CNTNAP4: variants seen among roughly 807,000 people sequenced by gnomAD.
CNTNAP4 encodes contactin associated protein family member 4.
Under a neutral mutation model 148.4 loss-of-function variants are expected in CNTNAP4, and 98 were observed. That is an observed-to-expected ratio of 0.66 (90% CI 0.56 to 0.78). The LOEUF is 0.78. CNTNAP4 is among the 30% of genes least tolerant of loss of function. The pLI is 0.00. For missense variants in CNTNAP4, 1,935 were observed against 1,565.6 expected, an observed-to-expected ratio of 1.24 and a Z score of -3.98; for synonymous variants, 730 against 565.1, an observed-to-expected ratio of 1.29 and a Z score of -4.14.
At chr16:76,436,989 C>CTATTTATCTATT (rs1555555022) in intron 4 of CNTNAP4, among the ~76,000 whole-genome samples, 1 of 151,412 alleles carries the variant, frequency 6.6e-6, no homozygotes, top group East Asian at 2.0e-4. Flanking sequence ...ATCTATCTGT[C>CTATTTATCTATT]TATCTAGGAG....
chr16:76,496,215 G>C (rs1357377996), intron 14 of CNTNAP4, among the ~76,000 whole-genome samples: 1 of 151,400 alleles, frequency 6.6e-6, no homozygotes, highest in African/African-American at 2.4e-5. Flanking sequence ...ACTCCCTTTG[G>C]AAGGCACCCT....
intron 3 of CNTNAP4, among the ~76,000 whole-genome samples, chr16:76,394,264 T>C (rs1216687717): frequency 1.3e-5 from 2 of 152,196 alleles, no homozygotes; most frequent in Non-Finnish European, 2.9e-5. Context: ...TGTGTTTAAA[T>C]GGGGTTTATT....
At chr16:76,344,321 T>C (rs921632764) in intron 2 of CNTNAP4, among the ~76,000 whole-genome samples, 2 of 152,204 alleles carry the variant, frequency 1.3e-5, no homozygotes, top group Admixed American at 6.5e-5. Context: ...GCTATACATA[T>C]GGCAAAATGC....
chr16:76,400,902 C>T (rs2078389192), intron 3 of CNTNAP4, among the ~76,000 whole-genome samples: 1 of 152,046 alleles, frequency 6.6e-6, no homozygotes, highest in Non-Finnish European at 1.5e-5. Context: ...GTCTATGTGT[C>T]TGTTTGATAC....
Position 76,418,496 on chromosome 16 carries a change from G to C in CNTNAP4, c.391-8956G>C, listed in dbSNP as rs546492867. On this transcript the variant is annotated intron_variant, in intron 3 of 23. Transcript: ENST00000611870. Reference sequence around the variant, plus strand: ...GAATCTGTTGTTGGGCCCATCAAAGGCATTCTTCACTTCTGTTCCAGCATT... The same window carrying C: ...GAATCTGTTGTTGGGCCCATCAAAGCCATTCTTCACTTCTGTTCCAGCATT... 4.6e-5 allele frequency among the ~76,000 whole-genome samples: 7 copies of C among 151,354 alleles called. No individual in the cohort carries two copies. The South Asian group carries it at 1.5e-3, about 31-fold the overall frequency.
intron 1 of CNTNAP4, among the ~76,000 whole-genome samples, chr16:76,284,188 C>G (rs980412177): frequency 6.6e-6 from 1 of 151,864 alleles, no homozygotes; most frequent in African/African-American, 2.4e-5. Context: ...AGTGTATGTG[C>G]TTAAATAGGA....
chr16:76,522,606 T>TTCCTTCC (rs2083501405), intron 17 of CNTNAP4, among the ~76,000 whole-genome samples: 1 of 67,384 alleles, frequency 1.5e-5, no homozygotes. Context: ...CTTTCTTTTC[T>TTCCTTCC]TTATTTCCTT....
chr16:76,281,967 C>G (rs894256302), intron 1 of CNTNAP4, among the ~76,000 whole-genome samples: 29 of 151,760 alleles, frequency 1.9e-4, no homozygotes, highest in Admixed American at 6.6e-4. Flanking sequence ...ATTGTTTACC[C>G]TCTTACTATG....
At chr16:76,487,419 A>G (rs1597705795) in intron 12 of CNTNAP4, among the ~76,000 whole-genome samples, 1 of 152,318 alleles carries the variant, frequency 6.6e-6, no homozygotes, top group Non-Finnish European at 1.5e-5. Flanking sequence ...GTCAACCACA[A>G]AGTATTGAAT....
intron 3 of CNTNAP4, among the ~76,000 whole-genome samples, chr16:76,356,498 C>T (rs1282508002): frequency 1.3e-5 from 2 of 152,080 alleles, no homozygotes; most frequent in Non-Finnish European, 2.9e-5. Context: ...ATAAATAAAC[C>T]TGGATATGGC....
chr16:76,503,770 C>A (rs1231875774), intron 15 of CNTNAP4, among the ~76,000 whole-genome samples: 2 of 149,976 alleles, frequency 1.3e-5, no homozygotes, highest in South Asian at 4.2e-4. Flanking sequence ...TGAGTGAGAA[C>A]ATGTGATGTT....
chr16:76,295,327 C>G (rs1281047544), intron 1 of CNTNAP4, among the ~76,000 whole-genome samples: 4 of 152,136 alleles, frequency 2.6e-5, no homozygotes, highest in African/African-American at 9.7e-5. Flanking sequence ...GTGGCCAGGT[C>G]ATGAGGAATC....
At chr16:76,459,025 G>A (rs2080838547) in intron 8 of CNTNAP4, among the ~76,000 whole-genome samples, 1 of 151,964 alleles carries the variant, frequency 6.6e-6, no homozygotes, top group African/African-American at 2.4e-5. Flanking sequence ...CAATAGATCA[G>A]ATAATAAAAT....
intron 21 of CNTNAP4, among the ~76,000 whole-genome samples, chr16:76,546,216 T>A (rs1436664273): frequency 6.6e-6 from 1 of 152,112 alleles, no homozygotes; most frequent in African/African-American, 2.4e-5. Flanking sequence ...GAGAGGGCAC[T>A]ATGCAGCCAC....
At chr16:76,337,829 A>G (rs1964147743) in intron 2 of CNTNAP4, among the ~76,000 whole-genome samples, 1 of 152,148 alleles carries the variant, frequency 6.6e-6, no homozygotes. Flanking sequence ...TGGGAAAAGA[A>G]TTCAGTGATA....
At chr16:76,526,246 GA>G (rs1327710123) in intron 17 of CNTNAP4, among the ~76,000 whole-genome samples, 1 of 152,098 alleles carries the variant, frequency 6.6e-6, no homozygotes, top group Non-Finnish European at 1.5e-5. Context: ...AAAGTGGTGG[GA>G]ATAAGCTTTA....
At chr16:76,350,978 G>C (rs572329674) in intron 2 of CNTNAP4, among the ~76,000 whole-genome samples, 2 of 152,082 alleles carry the variant, frequency 1.3e-5, no homozygotes, top group Admixed American at 1.3e-4. Flanking sequence ...AGGAACTGGT[G>C]GGGGCAAGAC....
chr16:76,333,779 G>GTTTTTTTTTTTTTTTTTTTTTT (rs549878036), intron 2 of CNTNAP4, among the ~76,000 whole-genome samples: 1 of 45,618 alleles, frequency 2.2e-5, no homozygotes, highest in African/African-American at 7.3e-5. Flanking sequence ...TGGGTTATAG[G>GTTTTTTTTTTTTTTTTTTTTTT]TTTTTTTTTT....
At chr16:76,416,190 C>G (rs1377183939) in intron 3 of CNTNAP4, among the ~76,000 whole-genome samples, 7 of 151,092 alleles carry the variant, frequency 4.6e-5, no homozygotes, top group Non-Finnish European at 1.0e-4. Flanking sequence ...GTTTATCAAT[C>G]TTAGCAAACT....
Sources: gnomAD v4.1 joint callset for allele counts (sites outside exome capture counted in the v4.1 genomes callset) on GRCh38, gnomAD v4.1.1 for gene constraint, MANE v1.5 for transcripts, NCBI Gene and HGNC (gene_info 2026-07-23, HGNC 2026-07-21) for gene names.